The following ZFAT variants were observed in gnomAD, a reference collection of about 807,000 sequenced individuals.
ZFAT encodes the protein zinc finger and AT-hook domain containing, also known as zinc finger protein ZFAT.
Under a neutral mutation model 117.7 loss-of-function variants are expected in ZFAT, and 64 were observed. The observed-to-expected ratio is 0.54, with a 90% CI of 0.44 to 0.67. The LOEUF (loss-of-function observed/expected upper bound fraction) is 0.67, where lower values mean the gene tolerates loss of function less well. ZFAT is among the 30% of genes least tolerant of loss of function. ZFAT has a pLI of 0.00. For missense variants in ZFAT, 1,433 were observed against 1,584.5 expected (o/e 0.90, Z 1.62); for synonymous variants, 679 against 615.0 (o/e 1.10, Z -1.54).
chr8:134,588,291 T>A lies in ZFAT; in HGVS notation c.2668A>T (p.Met890Leu). The A allele has an allele frequency of 6.3e-7, 1 of 1,577,872 alleles. No individual in the cohort carries two copies. Among genetic ancestry groups the A allele is most frequent in the South Asian group, 1.2e-5 (1 of 85,758 alleles). ...CGCTGAAGGTCTGAGCCATTCTTCA[T>A]GAAATAAAAGTCACAATATGGGCAT... ...MKCPYCDFYF[M>L]KNGSDLQRHI... The change falls in exon 9 of 16, where the codon ATG (methionine) becomes TTG (leucine). Residue 890 changes from methionine (M) to leucine (L), a missense_variant. Coordinates refer to ENST00000377838, the MANE Select transcript of ZFAT (RefSeq NM_020863.4).
rs139385797 is a variant in ZFAT, at chr8:134,599,868, G to T, written c.2475+568C>A. On this transcript the variant is annotated intron_variant, in intron 7 of 15. Transcript: ENST00000377838. ...CAAGATCCTCCACCAAAGACCTAAA[G>T]AAATTTACCTTTGTGAATATTAACA... 7.4e-4 allele frequency: 327 copies of T among 439,730 alleles called. 3 individuals carry two copies. In the East Asian group the frequency reaches 0.017, roughly 23 times the overall value. 27.2% of individuals were successfully genotyped at this position (439,730 alleles called of 1,614,324 possible). A position where few individuals can be genotyped will look rare whatever the true frequency, so the allele number is the denominator to read the frequency against.
rs542444621 is a variant in ZFAT, at chr8:134,687,475, C to T, written c.19+25370G>A. Among the ~76,000 whole-genome samples, 18 of 152,290 alleles carry T rather than the reference C, an allele frequency of 1.2e-4. No homozygotes were observed. In the East Asian group the frequency reaches 3.1e-3, roughly 26 times the overall value. ...CACTCTCAAAATGAGAGCCCCTGGG[C>T]AATGGAATACATTCACATTTAACAC... On this transcript the variant is annotated intron_variant, in intron 1 of 15. Transcript: ENST00000377838.
chr8:134,550,035 T>C (rs1257834866), intron 11 of ZFAT, among the ~76,000 whole-genome samples: 1 of 152,090 alleles, frequency 6.6e-6, no homozygotes, highest in Non-Finnish European at 1.5e-5. Context: ...TTCAAAGTAA[T>C]GTTGATGTTT....
At chr8:134,794,318 T>C in the ZFAT span, 21 of 152,374 alleles carry the variant, frequency 1.4e-4, no homozygotes, top group African/African-American at 5.0e-4. Flanking sequence ...TGCCACCTTT[T>C]ATGAACACTG....
chr8:134,800,371 C>A, the ZFAT span: 1 of 365,286 alleles, frequency 2.7e-6, no homozygotes, highest in African/African-American at 2.2e-5. Flanking sequence ...TAGATCCCTG[C>A]CAGCTAGACA....
At chr8:134,673,570 T>C (rs1430115362) in intron 1 of ZFAT, 1 of 167,868 alleles carries the variant, frequency 6.0e-6, no homozygotes, top group East Asian at 1.4e-4. Flanking sequence ...GCAGGATATA[T>C]AGCTAGAATA....
intron 1 of ZFAT, among the ~76,000 whole-genome samples, chr8:134,698,716 G>C (rs951477879): frequency 1.3e-5 from 2 of 152,160 alleles, no homozygotes; most frequent in Non-Finnish European, 2.9e-5. Flanking sequence ...AGGGATCCAG[G>C]GCACAGCACC....
rs115083619 is a variant in ZFAT, at chr8:134,630,557, A to T, written c.448+6904T>A. 4.7e-3 allele frequency among the ~76,000 whole-genome samples: 722 copies of T among 152,346 alleles called. 5 individuals carry two copies. The highest frequency in any genetic ancestry group is 0.017 in the African/African-American group (690 of 41,578). On this transcript the variant is annotated intron_variant, in intron 3 of 15. Transcript: ENST00000377838. ...TCTTTGACAGGAAGAATTTAATGAG[A>T]ATAAGAGGAAATTTTCACAACTCTC... is the stretch of plus-strand genomic sequence containing the variant.
chr8:134,499,302 A>G (rs529011450), intron 15 of ZFAT, among the ~76,000 whole-genome samples: 111 of 130,936 alleles, frequency 8.5e-4, no homozygotes, highest in Middle Eastern at 5.3e-3. Flanking sequence ...CTGGTTACAC[A>G]CAGAGCCTGA....
At position 134,478,573 on chromosome 8, in the gene ZFAT, C is replaced by T. The variant is rs781384745; in HGVS notation, c.3641G>A (p.Gly1214Asp). ...GIETVTVYTQ[G>D]GEASEFIVYV... ...GACGATGAACTCCGAGGCCTCCCCGCCCTGCGTGTAGACAGTCACCGTCTC... is the reference window on the plus strand; with the variant it reads ...GACGATGAACTCCGAGGCCTCCCCGTCCTGCGTGTAGACAGTCACCGTCTC... The change falls in exon 16 of 16, where the codon GGC (glycine) becomes GAC (aspartate). Residue 1214 changes from glycine to aspartate, a missense_variant. This residue lies in a region of ZFAT where 503 missense variants were observed against 543.4 expected (regional missense o/e 0.93). Coordinates refer to ENST00000377838, the MANE Select transcript of ZFAT (RefSeq NM_020863.4). This position sits in a 1 kb window ranked among gnomAD's most constrained non-coding sequence, Gnocchi z 5.2. The T allele has an allele frequency of 6.3e-7, 1 of 1,594,448 alleles. No homozygotes were observed. The highest frequency in any genetic ancestry group is 1.1e-5 in the South Asian group (1 of 87,470).
At chr8:134,490,073 C>T (rs1385376576) in intron 15 of ZFAT, among the ~76,000 whole-genome samples, 1 of 152,230 alleles carries the variant, frequency 6.6e-6, no homozygotes, top group Non-Finnish European at 1.5e-5. Flanking sequence ...CCCGGCCAGG[C>T]CACGCTATTT....
intron 1 of ZFAT, among the ~76,000 whole-genome samples, chr8:134,704,843 A>C (rs4317531): frequency 0.33 from 49,511 of 151,948 alleles, 8,661 homozygotes; most frequent in South Asian, 0.43. Context: ...ACCATACACA[A>C]ACTTATTAGA....
intron 4 of ZFAT, among the ~76,000 whole-genome samples, chr8:134,609,189 C>A (rs917873375): frequency 6.6e-6 from 1 of 151,664 alleles, no homozygotes; most frequent in South Asian, 2.1e-4. Flanking sequence ...TATGTATATA[C>A]ATATACATAT....
chr8:134,683,651 A>G (rs2131305867), intron 1 of ZFAT, among the ~76,000 whole-genome samples: 1 of 152,232 alleles, frequency 6.6e-6, no homozygotes, highest in Non-Finnish European at 1.5e-5. Flanking sequence ...GGTTAAAGGC[A>G]GGGCAGGCAC....
At chr8:134,604,386 G>A (rs1827730545) in intron 5 of ZFAT, among the ~76,000 whole-genome samples, 2 of 152,208 alleles carry the variant, frequency 1.3e-5, no homozygotes, top group African/African-American at 2.4e-5. Context: ...CAGAGTGACT[G>A]TACTGCAAAG....
intron 1 of ZFAT, among the ~76,000 whole-genome samples, chr8:134,707,977 G>A (rs1813849475): frequency 6.6e-6 from 1 of 152,208 alleles, no homozygotes; most frequent in African/African-American, 2.4e-5. Context: ...TTTTTTTAAT[G>A]TGGGACATAT....
chr8:134,508,839 G>T (rs1366579189), intron 15 of ZFAT, among the ~76,000 whole-genome samples: 1 of 152,154 alleles, frequency 6.6e-6, no homozygotes, highest in Admixed American at 6.5e-5. Flanking sequence ...TCCATGGTTT[G>T]CATTTCTTCT....
At chr8:134,731,019 A>C in the ZFAT span, among the ~76,000 whole-genome samples, 1 of 152,206 alleles carries the variant, frequency 6.6e-6, no homozygotes, top group Admixed American at 6.5e-5. Flanking sequence ...CCAAGCACAA[A>C]CAGAAATAGC....
At chr8:134,815,533 T>C in the ZFAT span, among the ~76,000 whole-genome samples, 1 of 152,210 alleles carries the variant, frequency 6.6e-6, no homozygotes, top group African/African-American at 2.4e-5. Flanking sequence ...AACCCTCCAG[T>C]GGCTTCTCTC....
Sources: allele counts gnomAD v4.1 joint callset (sites outside exome capture counted in the v4.1 genomes callset), GRCh38; gene constraint gnomAD v4.1.1; regional missense constraint gnomAD v4.1.1; non-coding constraint Gnocchi (gnomAD v3.1); transcripts MANE v1.5; gene names NCBI Gene and HGNC (gene_info 2026-07-23, HGNC 2026-07-21).